Variants in GRIN2A observed in about 807,000 individuals in gnomAD.
The protein encoded by GRIN2A is glutamate receptor ionotropic, NMDA 2A.
Under a neutral mutation model 113.4 loss-of-function variants are expected in GRIN2A, and 22 were observed. The ratio of observed to expected loss-of-function variants is 0.19; its 90% CI spans 0.14 to 0.28. The LOEUF (loss-of-function observed/expected upper bound fraction) is 0.28. Ranked by LOEUF, GRIN2A falls within the 10% of genes least tolerant of loss-of-function variation. GRIN2A has a pLI of 1.00. For synonymous variants in GRIN2A, 827 were observed against 738.4 expected, an observed-to-expected ratio of 1.12 and a Z score of -1.94; for missense variants, 1,502 against 1,887.0, an observed-to-expected ratio of 0.80 and a Z score of 3.78.
Position 9,760,564 on chromosome 16 carries a change from T to A in GRIN2A, c.*2585A>T. The A allele has an allele frequency of 4.6e-6, 1 of 218,966 alleles. No individual in the cohort carries two copies. Among genetic ancestry groups the A allele is most frequent in the Non-Finnish European group, 9.2e-6 (1 of 109,200 alleles). 13.6% of individuals were successfully genotyped at this position (218,966 alleles called of 1,614,324 possible). On this transcript the variant is annotated 3_prime_UTR_variant, in exon 13 of 13. Coordinates refer to ENST00000330684, the MANE Select transcript of GRIN2A (RefSeq NM_001134407.3). ...ACTGTTGATTCTTCCAAAGGCCACG[T>A]TTTCAGTTTCTTTATCCAGAGATGT... is the stretch of plus-strand genomic sequence containing the variant.
chr16:10,043,776 C>A (rs7193471), intron 2 of GRIN2A, among the ~76,000 whole-genome samples: 2 of 151,914 alleles, frequency 1.3e-5, no homozygotes, highest in African/African-American at 2.4e-5. Flanking sequence ...GTGCCAAATA[C>A]TCCTTTTGTT....
intron 2 of GRIN2A, among the ~76,000 whole-genome samples, chr16:10,011,252 A>C (rs1488250554): frequency 6.6e-6 from 1 of 152,220 alleles, no homozygotes. Context: ...AGGTGTTTAC[A>C]TTAGAAAGAA....
intron 2 of GRIN2A, among the ~76,000 whole-genome samples, chr16:10,022,164 T>A (rs892148380): frequency 6.6e-6 from 1 of 151,786 alleles, no homozygotes; most frequent in African/African-American, 2.4e-5. Context: ...GCATCCAACA[T>A]ATAGCAGGTG....
chr16:10,093,544 G>C (rs17683084), intron 2 of GRIN2A, among the ~76,000 whole-genome samples: 3 of 151,782 alleles, frequency 2.0e-5, no homozygotes, highest in Admixed American at 1.3e-4. Flanking sequence ...AGGTGGCATC[G>C]ATCAGCTTTA....
chr16:9,944,095 A>C (rs929284953), intron 2 of GRIN2A, among the ~76,000 whole-genome samples: 1 of 152,162 alleles, frequency 6.6e-6, no homozygotes, highest in Non-Finnish European at 1.5e-5. Context: ...ACCCATTTCC[A>C]CAACTTATTT....
intron 2 of GRIN2A, among the ~76,000 whole-genome samples, chr16:10,135,954 T>C (rs1172155714): frequency 6.6e-6 from 1 of 152,206 alleles, no homozygotes; most frequent in Non-Finnish European, 1.5e-5. Flanking sequence ...CTGACAGTTG[T>C]TGCATTCATC....
At chr16:9,770,046 G>A (rs929486183) in intron 11 of GRIN2A, among the ~76,000 whole-genome samples, 2 of 152,176 alleles carry the variant, frequency 1.3e-5, no homozygotes, top group African/African-American at 4.8e-5. Context: ...GAAGAAAAGA[G>A]TAGGCATGCT....
chr16:10,007,879 A>C (rs1191533981), intron 2 of GRIN2A, among the ~76,000 whole-genome samples: 1 of 152,164 alleles, frequency 6.6e-6, no homozygotes, highest in African/African-American at 2.4e-5. Context: ...TTAGAATGGA[A>C]GGTCCTAAGC....
intron 2 of GRIN2A, among the ~76,000 whole-genome samples, chr16:10,108,646 G>T (rs911401547): frequency 2.0e-5 from 3 of 152,108 alleles, no homozygotes; most frequent in African/African-American, 7.2e-5. Context: ...TGTAGCCGGG[G>T]TTAAAGCTGA....
intron 2 of GRIN2A, chr16:10,179,378 C>G (rs1204717099): frequency 1.9e-5 from 3 of 154,316 alleles, no homozygotes; most frequent in African/African-American, 7.2e-5. Context: ...CCTTGAGGAA[C>G]GGGTCTCTCC....
intron 3 of GRIN2A, among the ~76,000 whole-genome samples, chr16:9,906,485 G>A (rs2141534987): frequency 6.6e-6 from 1 of 152,334 alleles, no homozygotes; most frequent in Admixed American, 6.5e-5. Context: ...TCTGGCCACA[G>A]AGATTGGTTC....
intron 3 of GRIN2A, among the ~76,000 whole-genome samples, chr16:9,891,411 C>G (rs755591833): frequency 2.4e-4 from 36 of 152,320 alleles, no homozygotes; most frequent in Middle Eastern, 3.4e-3. Flanking sequence ...ACAAACTTCC[C>G]TGAAGGAAGC....
chr16:10,033,082 T>C (rs999009424), intron 2 of GRIN2A, among the ~76,000 whole-genome samples: 10 of 152,154 alleles, frequency 6.6e-5, no homozygotes, highest in African/African-American at 2.2e-4. Context: ...TGATTATACC[T>C]ATATTGGGGT....
intron 3 of GRIN2A, among the ~76,000 whole-genome samples, chr16:9,929,739 A>C (rs550620370): frequency 6.6e-6 from 1 of 152,220 alleles, no homozygotes; most frequent in Non-Finnish European, 1.5e-5. Flanking sequence ...CTAAATTTCA[A>C]AATGAAAACT....
intron 3 of GRIN2A, among the ~76,000 whole-genome samples, chr16:9,900,509 G>A (rs2043900505): frequency 6.6e-6 from 1 of 152,096 alleles, no homozygotes; most frequent in African/African-American, 2.4e-5. Flanking sequence ...GCTTTTTTCT[G>A]TAAATATGAC....
chr16:10,004,633 T>C (rs560773626), intron 2 of GRIN2A, among the ~76,000 whole-genome samples: 2 of 152,334 alleles, frequency 1.3e-5, no homozygotes, highest in African/African-American at 4.8e-5. Flanking sequence ...ATTCCTTGGT[T>C]CATGGCCCCT....
intron 2 of GRIN2A, among the ~76,000 whole-genome samples, chr16:9,949,693 ATGGATGGGTGGT>A (rs1287728296): frequency 1.3e-5 from 2 of 149,730 alleles, no homozygotes; most frequent in African/African-American, 4.9e-5. Flanking sequence ...GGACAGATAA[ATGGATGGGTGGT>A]TGGATGGATG....
At chr16:10,113,788 A>G (rs1354812829) in intron 2 of GRIN2A, among the ~76,000 whole-genome samples, 1 of 152,242 alleles carries the variant, frequency 6.6e-6, no homozygotes, top group Non-Finnish European at 1.5e-5. Flanking sequence ...AAATGCCATT[A>G]TTGTTTAATA....
intron 2 of GRIN2A, among the ~76,000 whole-genome samples, chr16:9,975,682 G>A (rs1442927962): frequency 6.6e-6 from 1 of 152,178 alleles, no homozygotes; most frequent in Non-Finnish European, 1.5e-5. Context: ...CAAACACATC[G>A]ATAACTGCAT....
Sources: allele counts gnomAD v4.1 joint callset (sites outside exome capture counted in the v4.1 genomes callset), GRCh38; gene constraint gnomAD v4.1.1; transcripts MANE v1.5; gene names NCBI Gene and HGNC (gene_info 2026-07-23, HGNC 2026-07-21).